EXOC6: variants seen among roughly 807,000 people sequenced by gnomAD.
EXOC6 encodes SEC15-like 1.
In EXOC6, 60 loss-of-function variants were observed where a neutral mutation model predicts 112.5. The observed-to-expected ratio is 0.53, with a 90% confidence interval of 0.43 to 0.66. The LOEUF (loss-of-function observed/expected upper bound fraction) is 0.66, where lower values mean the gene tolerates loss of function less well. Ranked by LOEUF, EXOC6 falls within the 30% of genes least tolerant of loss-of-function variation. The pLI is 0.00. For missense variants in EXOC6, 855 were observed against 957.1 expected, an observed-to-expected ratio of 0.89 and a Z score of 1.41; for synonymous variants, 295 against 308.0, an observed-to-expected ratio of 0.96 and a Z score of 0.44.
intron 20 of EXOC6, among the ~76,000 whole-genome samples, chr10:93,034,467 A>G (rs1590080091): frequency 6.6e-6 from 1 of 152,344 alleles, no homozygotes; most frequent in South Asian, 2.1e-4. Context: ...AGAAGTTCCC[A>G]TGTACATCAC....
At chr10:92,842,381 G>A (rs373841390) in intron 1 of EXOC6, among the ~76,000 whole-genome samples, 1 of 147,280 alleles carries the variant, frequency 6.8e-6, no homozygotes, top group African/African-American at 2.5e-5. Flanking sequence ...AAAAAAAAGG[G>A]TAAGGAATAG....
chr10:92,862,043 C>T (rs1016075232), intron 1 of EXOC6, among the ~76,000 whole-genome samples: 6 of 152,158 alleles, frequency 3.9e-5, no homozygotes, highest in African/African-American at 1.4e-4. Context: ...ATTTCAGTGA[C>T]ATTTAGTACA....
intron 5 of EXOC6, 188 bp downstream of exon 5, chr10:92,899,832 T>C: frequency 2.1e-6 from 1 of 477,666 alleles, no homozygotes. Context: ...TAATAAATCA[T>C]TGTCCTTTAT....
At chr10:92,925,755 G>A (rs1382204196) in intron 8 of EXOC6, among the ~76,000 whole-genome samples, 1 of 151,978 alleles carries the variant, frequency 6.6e-6, no homozygotes, top group East Asian at 1.9e-4. Flanking sequence ...GAATTCCTGG[G>A]TTCAAGTGAT....
intron 20 of EXOC6, among the ~76,000 whole-genome samples, chr10:93,045,304 A>G (rs1845958626): frequency 6.6e-6 from 1 of 152,236 alleles, no homozygotes; most frequent in Non-Finnish European, 1.5e-5. Context: ...TATATTGAAG[A>G]CTAAATTAAT....
intron 20 of EXOC6, among the ~76,000 whole-genome samples, chr10:93,048,545 A>T (rs1486953497): frequency 6.6e-6 from 1 of 152,084 alleles, no homozygotes; most frequent in Non-Finnish European, 1.5e-5. Flanking sequence ...TATGTAACTA[A>T]CCTGCACATT....
intron 11 of EXOC6, 125 bp from the exon 12 acceptor site, chr10:92,935,689 A>G: frequency 1.4e-6 from 1 of 735,198 alleles, no homozygotes; most frequent in Non-Finnish European, 2.3e-6. Flanking sequence ...CCAAAATTTT[A>G]AACTTATTAT....
At chr10:92,959,238 G>A (rs892090353) in intron 17 of EXOC6, among the ~76,000 whole-genome samples, 1 of 152,164 alleles carries the variant, frequency 6.6e-6, no homozygotes, top group African/African-American at 2.4e-5. Context: ...AGGAGCAAAG[G>A]TAATAAAATG....
intron 13 of EXOC6, among the ~76,000 whole-genome samples, chr10:92,942,714 T>C (rs1852735699): frequency 6.6e-6 from 1 of 152,226 alleles, no homozygotes; most frequent in African/African-American, 2.4e-5. Context: ...CTTGATGTTA[T>C]TTAACTGGCC....
At chr10:92,865,853 A>G (rs1249666727) in intron 1 of EXOC6, among the ~76,000 whole-genome samples, 1 of 152,178 alleles carries the variant, frequency 6.6e-6, no homozygotes, top group African/African-American at 2.4e-5. Flanking sequence ...CTTACAATAA[A>G]GTAAGTGAGA....
chr10:92,977,446 A>T (rs1319341406), intron 18 of EXOC6, among the ~76,000 whole-genome samples: 2 of 152,102 alleles, frequency 1.3e-5, no homozygotes, highest in Non-Finnish European at 2.9e-5. Flanking sequence ...CCCAGGGATG[A>T]TACTGTATTC....
upstream of EXOC6, among the ~76,000 whole-genome samples, chr10:92,848,297 A>G (rs951357757): frequency 2.0e-5 from 3 of 152,098 alleles, no homozygotes; most frequent in African/African-American, 7.2e-5. Context: ...AGAGGGCAGG[A>G]GGCCAGCTGG....
At chr10:92,853,416 T>C (rs1589700238) in intron 1 of EXOC6, among the ~76,000 whole-genome samples, 1 of 152,118 alleles carries the variant, frequency 6.6e-6, no homozygotes, top group African/African-American at 2.4e-5. Flanking sequence ...CATGTAGAAA[T>C]GTAAAGGACC....
At chr10:92,996,382 A>T (rs1028591055) in intron 18 of EXOC6, among the ~76,000 whole-genome samples, 3 of 152,174 alleles carry the variant, frequency 2.0e-5, no homozygotes, top group Non-Finnish European at 2.9e-5. Flanking sequence ...TATCTTTGGG[A>T]GGCCAAGGCG....
chr10:93,010,435 G>A (rs983359654), intron 19 of EXOC6, among the ~76,000 whole-genome samples: 27 of 152,084 alleles, frequency 1.8e-4, no homozygotes, highest in Admixed American at 1.3e-3. Flanking sequence ...TGGGTGTGGT[G>A]GCTCACGCCT....
At position 92,948,271 on chromosome 10, in the gene EXOC6, CAG is replaced by C; in HGVS notation, c.1311-2_1311-1del. The C allele has an allele frequency of 6.3e-7, 1 of 1,584,114 alleles. No individual in the cohort carries two copies. The highest frequency in any genetic ancestry group is 8.6e-7 in the Non-Finnish European group (1 of 1,158,260). ...TAAGTTTTCAATTTTCCTTTCCTAA[CAG>C]GGACATTTTTGAAGAAGATAATTAC... On this transcript the variant is annotated splice_acceptor_variant, in intron 13 of 21. Transcript: ENST00000260762. LOFTEE classifies it high-confidence loss of function.
chr10:92,974,411 T>C (rs1449896179), intron 18 of EXOC6, among the ~76,000 whole-genome samples, 179 bp downstream of exon 18: 1 of 152,238 alleles, frequency 6.6e-6, no homozygotes, highest in Non-Finnish European at 1.5e-5. Flanking sequence ...TTTTAATTTA[T>C]TTTATTTTTA....
In EXOC6 at chr10:92,893,398, T is replaced by G; in HGVS notation, c.151T>G (p.Leu51Val). The G allele has an allele frequency of 6.2e-7, 1 of 1,612,896 alleles. No individual in the cohort carries two copies. The highest frequency in any genetic ancestry group is 8.5e-7 in the Non-Finnish European group (1 of 1,179,296). The stretch of plus-strand genomic sequence containing the variant: ...TGCGCACAAGAAGTTTATGGAAAAG[T>G]TAGATGCTTGTATCCGTAATCATGA... The part of the protein sequence containing the change: ...PNAHKKFMEK[L>V]DACIRNHDKE... Residue 51 changes from leucine (L) to valine (V), a missense_variant, in exon 2 of 22, where the codon TTA (leucine) becomes GTA (valine). This residue lies in a region of EXOC6 where 405 missense variants were observed against 393.6 expected (regional missense o/e 1.03). Coordinates refer to ENST00000260762, the MANE Select transcript of EXOC6 (RefSeq NM_019053.6).
At chr10:92,930,482 G>A (rs543100935) in intron 9 of EXOC6, among the ~76,000 whole-genome samples, 2 of 150,388 alleles carry the variant, frequency 1.3e-5, no homozygotes, top group East Asian at 2.0e-4. Context: ...CAGCCTGGGT[G>A]ACAAGAGTGA....
Sources: gnomAD v4.1 joint callset for allele counts (sites outside exome capture counted in the v4.1 genomes callset) on GRCh38, gnomAD v4.1.1 for gene constraint, gnomAD v4.1.1 regional missense constraint, MANE v1.5 for transcripts, NCBI Gene and HGNC (gene_info 2026-07-23, HGNC 2026-07-21) for gene names.